The following PALMD variants were observed in gnomAD, a reference collection of about 807,000 sequenced individuals.
The protein encoded by PALMD is palmdelphin.
Under a neutral mutation model 56.2 loss-of-function variants are expected in PALMD, and 42 were observed. The ratio of observed to expected loss-of-function variants is 0.75; its 90% confidence interval spans 0.58 to 0.97. The LOEUF (loss-of-function observed/expected upper bound fraction) is 0.97, where lower values mean the gene tolerates loss of function less well. Among genes scored for constraint, PALMD ranks in the 50% least tolerant of loss-of-function variants. The probability of loss-of-function intolerance (pLI) is 0.00; values close to 1 mark genes in which losing one functional copy is unlikely to be tolerated. For missense variants in PALMD, 660 were observed against 643.8 expected (o/e 1.03, Z -0.27); for synonymous variants, 242 against 222.9 (o/e 1.09, Z -0.76).
At chr1:99,653,640 G>A (rs143372988) in intron 1 of PALMD, among the ~76,000 whole-genome samples, 149 of 152,228 alleles carry the variant, frequency 9.8e-4, no homozygotes, top group South Asian at 1.2e-3. Flanking sequence ...AGAAGAAAAT[G>A]TAGAAACTTC....
chr1:99,682,893 C>G (rs990385550), intron 3 of PALMD, among the ~76,000 whole-genome samples: 4 of 151,680 alleles, frequency 2.6e-5, no homozygotes, highest in Non-Finnish European at 5.9e-5. Flanking sequence ...GTAGTCCCAG[C>G]TACTCAGGAG....
intron 1 of PALMD, among the ~76,000 whole-genome samples, chr1:99,656,891 A>G (rs1001920659): frequency 2.6e-5 from 4 of 152,234 alleles, no homozygotes; most frequent in African/African-American, 9.6e-5. Flanking sequence ...CACAACTTGC[A>G]ATATCATGAC....
At chr1:99,684,257 C>G (rs561181894) in intron 3 of PALMD, 2 of 151,998 alleles carry the variant, frequency 1.3e-5, no homozygotes, top group East Asian at 3.9e-4. Flanking sequence ...TATTAAAAGG[C>G]TGTAAAAGAA....
chr1:99,662,699 C>T (rs1409468707), intron 2 of PALMD, among the ~76,000 whole-genome samples: 3 of 152,172 alleles, frequency 2.0e-5, no homozygotes. Context: ...GCCCTGCTCG[C>T]AGTCTTGCTT....
intron 3 of PALMD, among the ~76,000 whole-genome samples, chr1:99,680,059 T>G (rs940617605): frequency 9.9e-5 from 15 of 152,244 alleles, no homozygotes; most frequent in African/African-American, 3.4e-4. Context: ...TCCAATCTGT[T>G]TGGCCCCTAA....
intron 3 of PALMD, among the ~76,000 whole-genome samples, chr1:99,680,998 C>T (rs746298280): frequency 4.0e-4 from 61 of 151,908 alleles, no homozygotes; most frequent in Non-Finnish European, 8.1e-4. Context: ...ATTCCTGCAA[C>T]AGTTCATGAA....
chr1:99,681,848 G>A (rs1181549437), intron 3 of PALMD, among the ~76,000 whole-genome samples: 3 of 152,144 alleles, frequency 2.0e-5, no homozygotes, highest in African/African-American at 4.8e-5. Context: ...AATCGCCTCT[G>A]GTTACGAACC....
chr1:99,688,754 A>G, intron 6 of PALMD, 21 bp from the exon 7 acceptor site: 1 of 1,515,778 alleles, frequency 6.6e-7, no homozygotes, highest in Non-Finnish European at 8.9e-7. Context: ...TAAATCAAAG[A>G]TCAAATTTGT....
chr1:99,689,608 G>A lies in PALMD; in HGVS notation c.1348G>A (p.Glu450Lys), dbSNP rs199815412. Reference sequence around the variant, plus strand: ...TGCTGAGCTGGTTGTGATTGATGATGAGGAGGAGGAGGATGAAGGAGAAGC... The same window carrying A: ...TGCTGAGCTGGTTGTGATTGATGATAAGGAGGAGGAGGATGAAGGAGAAGC... ...IHAELVVIDD[E>K]EEEDEGEAEK... Residue 450 changes from glutamate (E) to lysine (K), a missense_variant, in exon 7 of 8, where the codon GAG becomes AAG. Physicochemically the swap from Glu to Lys is moderately conservative, Grantham distance 56 (BLOSUM62 1). Transcript: ENST00000263174. 238 of 1,613,086 alleles carry A rather than the reference G, an allele frequency of 1.5e-4. No homozygotes were observed. Among genetic ancestry groups the A allele is most frequent in the Non-Finnish European group, 1.9e-4 (226 of 1,179,328 alleles).
chr1:99,664,060 A>C (rs1652910744), intron 2 of PALMD, among the ~76,000 whole-genome samples: 1 of 152,072 alleles, frequency 6.6e-6, no homozygotes, highest in Non-Finnish European at 1.5e-5. Flanking sequence ...CCAGTCGTGC[A>C]CTCTGGTTCA....
chr1:99,650,062 A>C (rs147591051), intron 1 of PALMD, among the ~76,000 whole-genome samples: 1 of 152,100 alleles, frequency 6.6e-6, no homozygotes, highest in Non-Finnish European at 1.5e-5. Context: ...ATGGGAGTGC[A>C]TTGTAAGTTA....
chr1:99,687,188 A>G lies in PALMD; in HGVS notation c.513A>G (p.Lys171=), dbSNP rs751532207. 2.5e-6 allele frequency: 4 copies of G among 1,592,984 alleles called. No individual in the cohort carries two copies. The African/African-American group carries it at 5.4e-5, about 22-fold the overall frequency. Residue 171 remains lysine (K), a splice_region_variant and synonymous_variant, in exon 6 of 8, where the codon AAA becomes AAG. Transcript: ENST00000263174. ...AAGAAGATGATGAACAAAATAGGAA[A>G]GGTATATGAGAAATCTGTGTTGAAG... ...EEKEDDEQNR[K]ALYAMEIKVE...
intron 1 of PALMD, among the ~76,000 whole-genome samples, chr1:99,658,702 C>T (rs1013034704): frequency 7.9e-5 from 12 of 151,658 alleles, no homozygotes; most frequent in Admixed American, 3.9e-4. Context: ...ATCTGGGAGG[C>T]GGAGCTTGCA....
intron 1 of PALMD, among the ~76,000 whole-genome samples, chr1:99,653,737 C>T (rs1487857946): frequency 6.6e-6 from 1 of 152,052 alleles, no homozygotes; most frequent in African/African-American, 2.4e-5. Context: ...GATCGACACC[C>T]CCCAAAAAAC....
intron 3 of PALMD, among the ~76,000 whole-genome samples, chr1:99,682,102 C>T (rs531016149): frequency 6.6e-6 from 1 of 152,280 alleles, no homozygotes; most frequent in South Asian, 2.1e-4. Flanking sequence ...TTTCCATTAG[C>T]ATTCTGATCT....
intron 3 of PALMD, among the ~76,000 whole-genome samples, chr1:99,677,680 T>C (rs1653244739): frequency 1.3e-5 from 2 of 152,072 alleles, no homozygotes; most frequent in African/African-American, 4.8e-5. Flanking sequence ...CATGGTACCA[T>C]CTGAATGCCA....
intron 1 of PALMD, among the ~76,000 whole-genome samples, chr1:99,651,536 TAA>T (rs894656663): frequency 3.3e-5 from 5 of 152,226 alleles, no homozygotes; most frequent in African/African-American, 1.2e-4. Flanking sequence ...AGTTCAATTC[TAA>T]AACTGCAATA....
At chr1:99,665,257 T>C (rs2100860893) in intron 2 of PALMD, among the ~76,000 whole-genome samples, 1 of 152,278 alleles carries the variant, frequency 6.6e-6, no homozygotes, top group South Asian at 2.1e-4. Context: ...ATCACCTGCA[T>C]GTCACATATT....
intron 1 of PALMD, among the ~76,000 whole-genome samples, chr1:99,656,960 C>A (rs1652738155): frequency 6.6e-6 from 1 of 152,176 alleles, no homozygotes; most frequent in African/African-American, 2.4e-5. Context: ...ACGGTTCATT[C>A]ATTGCTCCTT....
Sources: allele counts gnomAD v4.1 joint callset (sites outside exome capture counted in the v4.1 genomes callset), GRCh38; gene constraint gnomAD v4.1.1; transcripts MANE v1.5; gene names NCBI Gene and HGNC (gene_info 2026-07-23, HGNC 2026-07-21).